Variants in CASZ1 observed in about 807,000 individuals in gnomAD.
The protein encoded by CASZ1 is zinc finger protein castor homolog 1.
Under a neutral mutation model 135.2 loss-of-function variants are expected in CASZ1, and 28 were observed. That is an observed-to-expected ratio of 0.21 (90% confidence interval 0.15 to 0.28). The LOEUF is 0.28. CASZ1 is among the 10% of genes least tolerant of loss of function. CASZ1 has a pLI of 1.00. For synonymous variants in CASZ1, 1,068 were observed against 1,073.4 expected (o/e 0.99, Z 0.10); for missense variants, 2,161 against 2,453.3 (o/e 0.88, Z 2.52).
At position 10,659,947 on chromosome 1, in the gene CASZ1, G is replaced by A. The variant is rs772432633; in HGVS notation, c.1095C>T (p.Phe365=). 4 of 1,612,752 alleles carry A rather than the reference G, an allele frequency of 2.5e-6. No homozygotes were observed. In the Admixed American group the frequency reaches 5.0e-5, roughly 20 times the overall value. Residue 365 remains phenylalanine (F), a synonymous_variant, in exon 6 of 21, where the codon TTC becomes TTT. Coordinates refer to ENST00000377022, the MANE Select transcript of CASZ1 (RefSeq NM_001079843.3). Reference sequence around the variant, plus strand: ...AAGGGCGCCCCACCTTGCCTGTCTTGAAGGCGATGGCCCCGCCCATGTCGG... The same window carrying A: ...AAGGGCGCCCCACCTTGCCTGTCTTAAAGGCGATGGCCCCGCCCATGTCGG... ...GSPDMGGAIA[F]KTGKVGRPSK...
At chr1:10,642,838 C>T (rs1452244858) in intron 20 of CASZ1, 21 bp downstream of exon 20, 43 of 1,608,980 alleles carry the variant, frequency 2.7e-5, no homozygotes, top group Non-Finnish European at 3.7e-5. Context: ...GCCCTGCCAG[C>T]AGCCCCTGCC....
intron 5 of CASZ1, chr1:10,661,132 T>G (rs1337833799): frequency 1.3e-5 from 2 of 157,050 alleles, no homozygotes; most frequent in African/African-American, 4.8e-5. Flanking sequence ...CCTTCCCAGG[T>G]GCTGAGGGTC....
rs1642353781 is a variant in CASZ1 at position 10,646,045 on chromosome 1, G to A, written c.3696+83C>T. The A allele has an allele frequency of 7.6e-7, 1 of 1,317,592 alleles. No homozygotes were observed. Among genetic ancestry groups the A allele is most frequent in the East Asian group, 2.4e-5 (1 of 42,296 alleles). The allele number at this position is 1,317,592 out of a possible 1,614,324, so 81.6% of individuals were successfully genotyped here. ...GTGTGAGAAATGGAGCCTCTGCCAG[G>A]AGGTGACTGTCCTGTGCCCTGAGCT... On this transcript the variant is annotated intron_variant, in intron 17 of 20. Transcript: ENST00000377022. This position sits in a 1 kb window ranked among gnomAD's most constrained non-coding sequence, Gnocchi z 6.4.
At chr1:10,787,682 C>T (rs965608356) in intron 1 of CASZ1, among the ~76,000 whole-genome samples, 5 of 152,166 alleles carry the variant, frequency 3.3e-5, no homozygotes, top group African/African-American at 7.2e-5. Flanking sequence ...CACACACGCT[C>T]ACCCACCCAG....
At position 10,735,128 on chromosome 1, in the gene CASZ1, A is replaced by C. The variant is rs893530647; in HGVS notation, c.-77+25573T>G. Among the ~76,000 whole-genome samples the C allele has an allele frequency of 2.6e-5, 4 of 152,222 alleles. No individual in the cohort carries two copies. Among genetic ancestry groups the C allele is most frequent in the African/African-American group, 9.7e-5 (4 of 41,444 alleles). On this transcript the variant is annotated intron_variant, in intron 2 of 20. Transcript: ENST00000377022. This position sits in a 1 kb window ranked among gnomAD's most constrained non-coding sequence, Gnocchi z 5.1. ...CTTAGCAACCTAATTGCATCAGTAC[A>C]TTGCACACAGGAGCCAAAGTAACTG... is the stretch of plus-strand genomic sequence containing the variant.
chr1:10,655,555 T>C, intron 9 of CASZ1, 94 bp downstream of exon 9: 10 of 1,231,336 alleles, frequency 8.1e-6, no homozygotes, highest in South Asian at 1.4e-5. Context: ...TCCCTGCCCA[T>C]GGGGCAGCCC....
rs141374665 is a variant in CASZ1, at chr1:10,660,870, G to T, written c.506-334C>A. On this transcript the variant is annotated intron_variant, in intron 5 of 20. Coordinates refer to ENST00000377022, the MANE Select transcript of CASZ1 (RefSeq NM_001079843.3). Reference sequence around the variant, plus strand: ...TCTCGCCTTGGCCTAATATGAAAGAGAAGTCATTTTACTGGAAGTAAGGCC... The same window carrying T: ...TCTCGCCTTGGCCTAATATGAAAGATAAGTCATTTTACTGGAAGTAAGGCC... 11 of 310,664 alleles carry T rather than the reference G, an allele frequency of 3.5e-5. No individual in the cohort carries two copies. The East Asian group carries it at 3.7e-4, about 11-fold the overall frequency. The allele number at this position is 310,664 out of a possible 1,614,324, so 19.2% of individuals were successfully genotyped here.
In CASZ1 at chr1:10,657,678, T is replaced by C. The variant is rs998469828; in HGVS notation, c.1409+830A>G. 2.7e-5 allele frequency among the ~76,000 whole-genome samples: 4 copies of C among 150,480 alleles called. No individual in the cohort carries two copies. Among genetic ancestry groups the C allele is most frequent in the African/African-American group, 9.8e-5 (4 of 40,766 alleles). On this transcript the variant is annotated intron_variant, in intron 7 of 20. Coordinates refer to ENST00000377022, the MANE Select transcript of CASZ1 (RefSeq NM_001079843.3). The surrounding 1 kb of genome is among the most constrained non-coding windows in gnomAD (Gnocchi z 5.7). ...GACAGAGACAGAGCAGGACAGGGGA[T>C]CGGAGACAGAGTGGGACGTGGAGGC...
In CASZ1 at chr1:10,665,218, C is replaced by T; in HGVS notation, c.370G>A (p.Val124Met). ...LELPPEGVYM[V>M]QPQGCSDEED... ...TCATCGCTGCACCCCTGGGGCTGCA[C>T]CATGTAGACACCCTCGGGAGGCAGC... The change falls in exon 5 of 21, where the codon GTG (valine) becomes ATG (methionine). Residue 124 changes from valine (V) to methionine (M), a missense_variant. Physicochemically the swap from Val to Met is conservative, Grantham distance 21 (BLOSUM62 1). Coordinates refer to ENST00000377022, the MANE Select transcript of CASZ1 (RefSeq NM_001079843.3). The T allele has an allele frequency of 1.3e-6, 2 of 1,594,504 alleles. No homozygotes were observed. The highest frequency in any genetic ancestry group is 8.6e-7 in the Non-Finnish European group (1 of 1,168,546).
rs747607830 is a variant in CASZ1 at position 10,654,020 on chromosome 1, G to A, written c.2037C>T (p.Phe679=). The A allele has an allele frequency of 1.9e-5, 30 of 1,614,126 alleles. No individual in the cohort carries two copies. Among genetic ancestry groups the A allele is most frequent in the African/African-American group, 4.0e-5 (3 of 74,956 alleles). The change falls in exon 11 of 21, where the codon TTC becomes TTT. Residue 679 remains phenylalanine (F), a synonymous_variant. Coordinates refer to ENST00000377022, the MANE Select transcript of CASZ1 (RefSeq NM_001079843.3). ...GAGAGGTCATCTGGCTGGTGGAGGT[G>A]AAGGTGAAGCCGCAGCCGGCGCGGA... is the stretch of plus-strand genomic sequence containing the variant. The part of the protein sequence containing the change: ...HCIRAGCGFT[F]TSTSQMTSHK...
At chr1:10,750,454 T>C (rs907840540) in intron 2 of CASZ1, among the ~76,000 whole-genome samples, 3 of 152,118 alleles carry the variant, frequency 2.0e-5, no homozygotes, top group Non-Finnish European at 4.4e-5. Context: ...GGCTAATTTT[T>C]ATTTTTTAAT....
At position 10,647,733 on chromosome 1, in the gene CASZ1, G is replaced by T; in HGVS notation, c.3497+68C>A. On this transcript the variant is annotated intron_variant, in intron 16 of 20. Transcript: ENST00000377022. This position sits in a 1 kb window ranked among gnomAD's most constrained non-coding sequence, Gnocchi z 4.9. Reference sequence around the variant, plus strand: ...GCAGTGAGGAACAGGGCCTCCTAGCGCCCTTGCTAGCACCTACTCCCGAGA... The same window carrying T: ...GCAGTGAGGAACAGGGCCTCCTAGCTCCCTTGCTAGCACCTACTCCCGAGA... The T allele has an allele frequency of 6.2e-7, 1 of 1,601,884 alleles. No individual in the cohort carries two copies. The highest frequency in any genetic ancestry group is 8.5e-7 in the Non-Finnish European group (1 of 1,178,700).
chr1:10,693,815 C>A, intron 4 of CASZ1, 59 bp downstream of exon 4: 1 of 1,307,200 alleles, frequency 7.6e-7, no homozygotes, highest in South Asian at 1.2e-5. Context: ...ATAAGAACTT[C>A]CGTAAAAGAA....
At position 10,638,144 on chromosome 1, in the gene CASZ1, T is replaced by C. The variant is rs1381330570; in HGVS notation, c.*798A>G. 1 of 152,460 alleles carries C rather than the reference T, an allele frequency of 6.6e-6. No homozygotes were observed. The highest frequency in any genetic ancestry group is 1.5e-5 in the Non-Finnish European group (1 of 68,044). 9.4% of individuals were successfully genotyped at this position (152,460 alleles called of 1,614,324 possible). Reference sequence around the variant, plus strand: ...TTGTTCTATGTAGAATAATAACCTTTACAGGAAAAATACTGTACAACTTTC... The same window carrying C: ...TTGTTCTATGTAGAATAATAACCTTCACAGGAAAAATACTGTACAACTTTC... On this transcript the variant is annotated 3_prime_UTR_variant, in exon 21 of 21. Transcript: ENST00000377022. This position sits in a 1 kb window ranked among gnomAD's most constrained non-coding sequence, Gnocchi z 5.9.
intron 9 of CASZ1, 122 bp downstream of exon 9, chr1:10,655,527 G>T: frequency 2.2e-6 from 2 of 924,820 alleles, no homozygotes; most frequent in East Asian, 2.7e-5. Context: ...GGAAAGAGAG[G>T]CTCCTGATCA....
intron 4 of CASZ1, among the ~76,000 whole-genome samples, chr1:10,684,274 G>C (rs1362322708): frequency 3.3e-5 from 5 of 152,132 alleles, no homozygotes; most frequent in Admixed American, 6.5e-5. Flanking sequence ...AGAAGGCTCA[G>C]TGTTAAAGGG....
chr1:10,639,133 C>T lies in CASZ1; in HGVS notation c.5089G>A (p.Asp1697Asn). Residue 1697 changes from aspartate to asparagine, a missense_variant, in exon 21 of 21, where the codon GAC (aspartate) becomes AAC (asparagine). Physicochemically the swap from Asp to Asn is conservative, Grantham distance 23. Transcript: ENST00000377022. This position sits in a 1 kb window ranked among gnomAD's most constrained non-coding sequence, Gnocchi z 4.0. Reference protein sequence around the residue: ...EEAEDDEDEDDDEDDDDEDDD... With the variant: ...EEAEDDEDEDNDEDDDDEDDD... ...TCCTCGTCGTCGTCGTCCTCGTCGT[C>T]GTCCTCGTCCTCGTCGTCTTCGGCC... The T allele has an allele frequency of 2.7e-6, 3 of 1,125,044 alleles. No individual in the cohort carries two copies. Among genetic ancestry groups the T allele is most frequent in the Non-Finnish European group, 3.3e-6 (3 of 903,466 alleles). The allele number at this position is 1,125,044 out of a possible 1,614,324, so 69.7% of individuals were successfully genotyped here. A position where few individuals can be genotyped will look rare whatever the true frequency, so the allele number is the denominator to read the frequency against.
At chr1:10,754,698 C>T (rs1175441594) in intron 2 of CASZ1, among the ~76,000 whole-genome samples, 1 of 152,222 alleles carries the variant, frequency 6.6e-6, no homozygotes, top group African/African-American at 2.4e-5. Flanking sequence ...GACCGATCCT[C>T]TCTCTGCCTG....
At position 10,638,002 on chromosome 1, in the gene CASZ1, G is replaced by C. The variant is rs1266078903; in HGVS notation, c.*940C>G. 1 of 152,426 alleles carries C rather than the reference G, an allele frequency of 6.6e-6. No individual in the cohort carries two copies. The highest frequency in any genetic ancestry group is 6.5e-5 in the Admixed American group (1 of 15,284). The allele number at this position is 152,426 out of a possible 1,614,324, so 9.4% of individuals were successfully genotyped here. A position where few individuals can be genotyped will look rare whatever the true frequency, so the allele number is the denominator to read the frequency against. On this transcript the variant is annotated 3_prime_UTR_variant, in exon 21 of 21. Transcript: ENST00000377022. The surrounding 1 kb of genome is among the most constrained non-coding windows in gnomAD (Gnocchi z 5.9). ...TTGTGAAGACAGACAGCCTCAAACAGTTAAGGCCTCTACAAAAACCCTGGA... is the reference window on the plus strand; with the variant it reads ...TTGTGAAGACAGACAGCCTCAAACACTTAAGGCCTCTACAAAAACCCTGGA...
Sources: gnomAD v4.1 joint callset for allele counts (sites outside exome capture counted in the v4.1 genomes callset) on GRCh38, gnomAD v4.1.1 for gene constraint, Gnocchi (gnomAD v3.1) non-coding constraint, MANE v1.5 for transcripts, NCBI Gene and HGNC (gene_info 2026-07-23, HGNC 2026-07-21) for gene names.